CPQ: variants seen among roughly 807,000 people sequenced by gnomAD.
CPQ encodes carboxypeptidase Q, also known as Ser-Met dipeptidase.
CPQ carries 37 observed loss-of-function variants against 45.7 expected under a neutral mutation model. The ratio of observed to expected loss-of-function variants is 0.81; its 90% CI spans 0.62 to 1.07. CPQ has a LOEUF of 1.07. CPQ is among the 50% of genes least tolerant of loss of function. The probability of loss-of-function intolerance (pLI) is 0.00; values close to 1 mark genes in which losing one functional copy is unlikely to be tolerated. For missense variants in CPQ, 537 were observed against 572.9 expected, an observed-to-expected ratio of 0.94 and a Z score of 0.64; for synonymous variants, 186 against 205.8, an observed-to-expected ratio of 0.90 and a Z score of 0.82.
intron 7 of CPQ, among the ~76,000 whole-genome samples, chr8:97,097,644 G>A (rs1290400377): frequency 6.6e-6 from 1 of 152,132 alleles, no homozygotes; most frequent in Non-Finnish European, 1.5e-5. Flanking sequence ...TCATGTTATA[G>A]GCCAGTGGGG....
At chr8:96,825,277 T>G (rs1393161954) in intron 2 of CPQ, among the ~76,000 whole-genome samples, 1 of 152,002 alleles carries the variant, frequency 6.6e-6, no homozygotes, top group Non-Finnish European at 1.5e-5. Flanking sequence ...GAAAAGATAC[T>G]TTCTCTTTCC....
intron 5 of CPQ, among the ~76,000 whole-genome samples, chr8:97,020,454 T>G (rs1253165960): frequency 6.6e-6 from 1 of 151,862 alleles, no homozygotes; most frequent in Non-Finnish European, 1.5e-5. Flanking sequence ...TTTGGAAAGA[T>G]AGATAAAATT....
chr8:96,898,626 T>G (rs1261857464), intron 4 of CPQ, among the ~76,000 whole-genome samples: 1 of 54,608 alleles, frequency 1.8e-5, no homozygotes. Context: ...GGGACTGTGG[T>G]GGGGTCGGGG....
chr8:96,760,204 C>T (rs1810381873), intron 1 of CPQ, among the ~76,000 whole-genome samples: 1 of 152,106 alleles, frequency 6.6e-6, no homozygotes, highest in Non-Finnish European at 1.5e-5. Context: ...GGGCATATTG[C>T]CAGAGGTAAA....
intron 1 of CPQ, among the ~76,000 whole-genome samples, chr8:96,674,560 G>C (rs926976714): frequency 6.6e-6 from 1 of 152,070 alleles, no homozygotes; most frequent in South Asian, 2.1e-4. Flanking sequence ...TGTTTCTTTA[G>C]ATAAAGGTCT....
At chr8:96,742,555 A>G (rs1338355190) in intron 1 of CPQ, among the ~76,000 whole-genome samples, 1 of 149,926 alleles carries the variant, frequency 6.7e-6, no homozygotes, top group South Asian at 2.1e-4. Flanking sequence ...TAGTTGATGC[A>G]GTTTCTTCCT....
chr8:96,778,680 ACACT>A (rs776706356), intron 1 of CPQ, among the ~76,000 whole-genome samples: 10 of 152,298 alleles, frequency 6.6e-5, no homozygotes, highest in Middle Eastern at 3.4e-3. Context: ...ATTTAGAATA[ACACT>A]CAGTTTCTGT....
chr8:96,702,360 G>A (rs1269034836), intron 1 of CPQ, among the ~76,000 whole-genome samples: 4 of 152,158 alleles, frequency 2.6e-5, no homozygotes, highest in Non-Finnish European at 5.9e-5. Context: ...CAACAAGGAA[G>A]CAAGGAAGAT....
intron 1 of CPQ, among the ~76,000 whole-genome samples, chr8:96,745,249 C>T (rs199541030): frequency 7.2e-4 from 109 of 151,880 alleles, no homozygotes; most frequent in African/African-American, 2.4e-3. Context: ...TGGAGGTTGC[C>T]GTGAGCTGAG....
intron 7 of CPQ, among the ~76,000 whole-genome samples, chr8:97,116,922 G>C (rs887471844): frequency 1.3e-5 from 2 of 152,318 alleles, no homozygotes; most frequent in Non-Finnish European, 2.9e-5. Flanking sequence ...TGGATGCTCT[G>C]TTGGGTCCAG....
At chr8:96,652,917 A>T (rs905217530) in intron 1 of CPQ, among the ~76,000 whole-genome samples, 7 of 152,186 alleles carry the variant, frequency 4.6e-5, no homozygotes, top group Non-Finnish European at 1.0e-4. Context: ...TACAGGCGTG[A>T]GCCACCGCAC....
At chr8:97,016,267 A>G (rs1465895293) in intron 5 of CPQ, among the ~76,000 whole-genome samples, 1 of 152,168 alleles carries the variant, frequency 6.6e-6, no homozygotes, top group Admixed American at 6.5e-5. Flanking sequence ...AAAGTAGGTA[A>G]TGTAATGGCA....
chr8:96,874,850 A>T (rs904608166), intron 3 of CPQ, among the ~76,000 whole-genome samples: 1 of 151,956 alleles, frequency 6.6e-6, no homozygotes, highest in African/African-American at 2.4e-5. Context: ...GTTATAATAT[A>T]TACCAAGGGG....
chr8:96,733,007 A>G (rs191740168), intron 1 of CPQ, among the ~76,000 whole-genome samples: 14 of 152,312 alleles, frequency 9.2e-5, no homozygotes, highest in African/African-American at 3.1e-4. Flanking sequence ...GTAGGACTCA[A>G]TGTTTTATCC....
At chr8:96,934,532 G>T (rs906787294) in intron 4 of CPQ, among the ~76,000 whole-genome samples, 1 of 152,194 alleles carries the variant, frequency 6.6e-6, no homozygotes, top group African/African-American at 2.4e-5. Context: ...CTTCAGCTCA[G>T]AAGTTTGTTT....
chr8:96,835,508 A>G (rs910253373), intron 3 of CPQ, among the ~76,000 whole-genome samples: 1 of 152,200 alleles, frequency 6.6e-6, no homozygotes, highest in Non-Finnish European at 1.5e-5. Flanking sequence ...CATTTCATCA[A>G]AGATTCCTAA....
At chr8:96,839,892 T>A (rs911476954) in intron 3 of CPQ, among the ~76,000 whole-genome samples, 2 of 152,226 alleles carry the variant, frequency 1.3e-5, no homozygotes, top group African/African-American at 2.4e-5. Flanking sequence ...TGTAACCCAA[T>A]AGAAGTAGAT....
intron 3 of CPQ, among the ~76,000 whole-genome samples, chr8:96,864,748 C>G (rs1400239112): frequency 1.3e-5 from 2 of 151,916 alleles, no homozygotes; most frequent in Admixed American, 6.6e-5. Flanking sequence ...TATCCTAAAT[C>G]TACTTGTTGT....
intron 3 of CPQ, among the ~76,000 whole-genome samples, chr8:96,849,405 T>G (rs1811742196): frequency 6.6e-6 from 1 of 152,208 alleles, no homozygotes; most frequent in South Asian, 2.1e-4. Context: ...GCAGGATGCA[T>G]TCTTGTTACA....
Sources: gnomAD v4.1 joint callset for allele counts (sites outside exome capture counted in the v4.1 genomes callset) on GRCh38, gnomAD v4.1.1 for gene constraint, MANE v1.5 for transcripts, NCBI Gene and HGNC (gene_info 2026-07-23, HGNC 2026-07-21) for gene names.